The following COA8 variants were observed in gnomAD, a reference collection of about 807,000 sequenced individuals.
COA8 encodes UPF0671 protein C14orf153.
COA8 carries 20 observed loss-of-function variants against 22.0 expected under a neutral mutation model. The observed-to-expected ratio is 0.91, with a 90% CI of 0.64 to 1.32. COA8 has a LOEUF of 1.32. Among genes scored for constraint, COA8 ranks in the 40% most tolerant of loss-of-function variants. COA8 has a pLI of 0.00. For synonymous variants in COA8, 105 were observed against 79.9 expected, an observed-to-expected ratio of 1.31 and a Z score of -1.68; for missense variants, 266 against 230.0, an observed-to-expected ratio of 1.16 and a Z score of -1.01.
chr14:103,568,570 CGT>C lies in COA8; in HGVS notation c.124-3044_124-3043del, dbSNP rs199610098. Reference sequence around the variant, plus strand: ...ATGTACACATATACACACATATATACGTGTGTGTGTATATATATATATATGTA... The same window carrying C: ...ATGTACACATATACACACATATATACGTGTGTGTATATATATATATATGTA... On this transcript the variant is annotated intron_variant, in intron 1 of 4. Coordinates refer to ENST00000409074, the MANE Select transcript of COA8 (RefSeq NM_001370595.2). Among the ~76,000 whole-genome samples, 339 of 91,776 alleles carry C rather than the reference CGT, an allele frequency of 3.7e-3. 4 individuals carry two copies. Among genetic ancestry groups the C allele is most frequent in the South Asian group, 0.025 (88 of 3,468 alleles). 60.2% of individuals were successfully genotyped at this position (91,776 alleles called of 152,430 possible). A position where few individuals can be genotyped will look rare whatever the true frequency, so the allele number is the denominator to read the frequency against.
intron 1 of COA8, 66 bp downstream of exon 1, chr14:103,563,190 C>T (rs541145238): frequency 8.0e-6 from 12 of 1,494,404 alleles, no homozygotes; most frequent in Middle Eastern, 1.7e-4. Context: ...ACCCGGGCCT[C>T]GGGGCCACTC....
At chr14:103,569,160 G>T (rs2076161559) in intron 1 of COA8, among the ~76,000 whole-genome samples, 2 of 152,114 alleles carry the variant, frequency 1.3e-5, no homozygotes, top group African/African-American at 4.8e-5. Flanking sequence ...TGAATCATAG[G>T]CTTGTACTGT....
At chr14:103,565,015 G>A (rs1188345742) in intron 1 of COA8, among the ~76,000 whole-genome samples, 2 of 152,132 alleles carry the variant, frequency 1.3e-5, no homozygotes, top group Admixed American at 6.5e-5. Context: ...GTGCAATGGC[G>A]CAGTCTCGGC....
intron 1 of COA8, chr14:103,563,533 T>G (rs1401611694): frequency 2.8e-6 from 1 of 353,188 alleles, no homozygotes; most frequent in Non-Finnish European, 5.5e-6. Flanking sequence ...GAGCACTTTA[T>G]CATCGTACTT....
intron 1 of COA8, among the ~76,000 whole-genome samples, chr14:103,568,079 G>T (rs2076148393): frequency 6.6e-6 from 1 of 152,142 alleles, no homozygotes; most frequent in African/African-American, 2.4e-5. Flanking sequence ...TCTCAGATGG[G>T]AACTCAAAGC....
At chr14:103,579,345 TA>T in intron 3 of COA8, 1 of 220,594 alleles carries the variant, frequency 4.5e-6, no homozygotes, top group Non-Finnish European at 9.3e-6. Flanking sequence ...ATATTGAAAA[TA>T]AAAAATACAA....
chr14:103,574,294 C>A, intron 3 of COA8, 124 bp downstream of exon 3: 1 of 1,292,638 alleles, frequency 7.7e-7, no homozygotes, highest in Non-Finnish European at 1.1e-6. Context: ...TGCTTTGGGG[C>A]AGTGCTCGGC....
intron 3 of COA8, among the ~76,000 whole-genome samples, chr14:103,576,321 G>A (rs1277296818): frequency 6.6e-6 from 1 of 151,990 alleles, no homozygotes; most frequent in East Asian, 1.9e-4. Context: ...AATAAAAAAA[G>A]AAAGTCGATT....
intron 3 of COA8, among the ~76,000 whole-genome samples, chr14:103,575,275 T>C (rs1367865610): frequency 1.3e-5 from 2 of 152,272 alleles, no homozygotes; most frequent in Non-Finnish European, 1.5e-5. Context: ...AGACAGCCAC[T>C]CTCCTAACAG....
intron 2 of COA8, among the ~76,000 whole-genome samples, chr14:103,573,837 G>A (rs2142287213): frequency 6.6e-6 from 1 of 152,316 alleles, no homozygotes. Flanking sequence ...ATGGGTGTGA[G>A]CCACTGTGCC....
chr14:103,575,467 C>T (rs2076223928), intron 3 of COA8, among the ~76,000 whole-genome samples: 1 of 152,126 alleles, frequency 6.6e-6, no homozygotes, highest in Non-Finnish European at 1.5e-5. Context: ...GTGAGCAGGC[C>T]ACGGTGCCTG....
rs1438101057 is a variant in COA8, at chr14:103,581,255, TAATAA to T, written c.386-6014_386-6010del. Reference sequence around the variant, plus strand: ...GGCATGAGAGACTAGCAATGATAACTAATAAAATAGAACAAGTGTAACAATATGCC... The same window carrying T: ...GGCATGAGAGACTAGCAATGATAACTAATAGAACAAGTGTAACAATATGCC... On this transcript the variant is annotated intron_variant, in intron 3 of 4. Coordinates refer to ENST00000409074, the MANE Select transcript of COA8 (RefSeq NM_001370595.2). This position sits in a 1 kb window ranked among gnomAD's most constrained non-coding sequence, Gnocchi z 4.1. Among the ~76,000 whole-genome samples the T allele has an allele frequency of 6.6e-6, 1 of 152,160 alleles. No homozygotes were observed. The highest frequency in any genetic ancestry group is 1.5e-5 in the Non-Finnish European group (1 of 68,028).
At position 103,587,333 on chromosome 14, in the gene COA8, A is replaced by C. The variant is rs368317042; in HGVS notation, c.445A>C (p.Lys149Gln). The C allele has an allele frequency of 1.8e-5, 29 of 1,613,322 alleles. No individual in the cohort carries two copies. Among genetic ancestry groups the C allele is most frequent in the Non-Finnish European group, 2.5e-5 (29 of 1,179,590 alleles). The change falls in exon 4 of 5, where the codon AAA (lysine) becomes CAA (glutamine). Residue 149 changes from lysine to glutamine, a missense_variant. Coordinates refer to ENST00000409074, the MANE Select transcript of COA8 (RefSeq NM_001370595.2). Reference protein sequence around the residue: ...MADFYKEFLSKNFQKHMYYNR... With the variant: ...MADFYKEFLSQNFQKHMYYNR... ...GGACTTCTACAAGGAATTTTTAAGT[A>C]AAAATTTTCAGAAGCACATGTATTA... is the stretch of plus-strand genomic sequence containing the variant.
In COA8 at chr14:103,568,178, A is replaced by G. The variant is rs1253061463; in HGVS notation, c.124-3445A>G. Among the ~76,000 whole-genome samples, 3 of 152,308 alleles carry G rather than the reference A, an allele frequency of 2.0e-5. No individual in the cohort carries two copies. The East Asian group carries it at 5.8e-4, about 29-fold the overall frequency. On this transcript the variant is annotated intron_variant, in intron 1 of 4. Transcript: ENST00000409074. ...TTCATTATTCCCTGGTGGTTTCCCC[A>G]TGGTAGCTTTGTGTCATGTACGGGC...
rs1169963643 is a variant in COA8 at position 103,590,532 on chromosome 14, C to T, written c.*246C>T. 2.3e-6 allele frequency: 1 copy of T among 431,860 alleles called. No homozygotes were observed. Among genetic ancestry groups the T allele is most frequent in the South Asian group, 3.2e-5 (1 of 31,032 alleles). 26.8% of individuals were successfully genotyped at this position (431,860 alleles called of 1,614,324 possible). ...AAATAAAGCCCAAGCACTGGGTGCC[C>T]GTTTCCTGTGTTTCGAATTATACCA... On this transcript the variant is annotated 3_prime_UTR_variant, in exon 5 of 5. Coordinates refer to ENST00000409074, the MANE Select transcript of COA8 (RefSeq NM_001370595.2).
At chr14:103,579,962 CAAA>C (rs373279860) in intron 3 of COA8, among the ~76,000 whole-genome samples, 5 of 117,612 alleles carry the variant, frequency 4.3e-5, no homozygotes, top group Admixed American at 9.6e-5. Flanking sequence ...GACTCTGTCT[CAAA>C]AAAAAAAAAA....
At position 103,583,191 on chromosome 14, in the gene COA8, T is replaced by C. The variant is rs562248624; in HGVS notation, c.386-4083T>C. On this transcript the variant is annotated intron_variant, in intron 3 of 4. Coordinates refer to ENST00000409074, the MANE Select transcript of COA8 (RefSeq NM_001370595.2). ...GATTATTTCTACCCTTTGGCTATTATGAATTATGCTACTGTGAATAATCCT... is the reference window on the plus strand; with the variant it reads ...GATTATTTCTACCCTTTGGCTATTACGAATTATGCTACTGTGAATAATCCT... Among the ~76,000 whole-genome samples, 6 of 152,330 alleles carry C rather than the reference T, an allele frequency of 3.9e-5. No individual in the cohort carries two copies. In the South Asian group the frequency reaches 1.2e-3, roughly 32 times the overall value.
intron 3 of COA8, among the ~76,000 whole-genome samples, chr14:103,584,227 C>G (rs1326946692): frequency 6.6e-6 from 1 of 152,090 alleles, no homozygotes; most frequent in South Asian, 2.1e-4. Context: ...TTCAGTAGCC[C>G]GGATGCTCTC....
chr14:103,576,822 G>A (rs1471495183), intron 3 of COA8, among the ~76,000 whole-genome samples: 2 of 152,182 alleles, frequency 1.3e-5, no homozygotes, highest in Admixed American at 6.5e-5. Context: ...CAGAGAGCCT[G>A]GCTGCTGCCA....
Sources: gnomAD v4.1 joint callset for allele counts (sites outside exome capture counted in the v4.1 genomes callset) on GRCh38, gnomAD v4.1.1 for gene constraint, Gnocchi (gnomAD v3.1) non-coding constraint, MANE v1.5 for transcripts, NCBI Gene and HGNC (gene_info 2026-07-23, HGNC 2026-07-21) for gene names.